The following SYNE2 variants were observed in gnomAD, a reference collection of about 807,000 sequenced individuals.
The protein encoded by SYNE2 is nesprin-2.
A neutral mutation model predicts 856.3 loss-of-function variants in SYNE2; 431 were observed. That is an observed-to-expected ratio of 0.50 (90% CI 0.47 to 0.55). The LOEUF (loss-of-function observed/expected upper bound fraction) is 0.55. Ranked by LOEUF, SYNE2 falls within the 20% of genes least tolerant of loss-of-function variation. SYNE2 has a pLI of 0.00. For missense variants in SYNE2, 8,129 were observed against 8,023.2 expected (o/e 1.01, Z -0.50); for synonymous variants, 2,923 against 2,872.3 (o/e 1.02, Z -0.56).
intron 43 of SYNE2, 123 bp from the exon 44 acceptor site, chr14:64,029,772 A>G (rs1355628108): frequency 8.6e-7 from 1 of 1,162,456 alleles, no homozygotes; most frequent in South Asian, 1.3e-5. Context: ...ACTCTAATTT[A>G]TAGCCGTATT....
chr14:64,102,093 G>T, intron 64 of SYNE2, 51 bp downstream of exon 64: 3 of 1,302,520 alleles, frequency 2.3e-6, no homozygotes, highest in South Asian at 2.4e-5. Context: ...GCCCAGGGGG[G>T]AGCAGGGATC....
At chr14:63,888,118 C>T (rs762836689) in intron 1 of SYNE2, among the ~76,000 whole-genome samples, 3 of 152,120 alleles carry the variant, frequency 2.0e-5, no homozygotes, top group Non-Finnish European at 2.9e-5. Context: ...TAGTGTCTAG[C>T]TCCACCCTTA....
intron 107 of SYNE2, chr14:64,215,969 A>G: frequency 7.3e-7 from 1 of 1,368,856 alleles, no homozygotes; most frequent in Non-Finnish European, 9.5e-7. Flanking sequence ...CTTGCCACTC[A>G]GTGTCCCTAC....
At chr14:64,093,012 A>G (rs1257057334) in intron 60 of SYNE2, among the ~76,000 whole-genome samples, 1 of 150,184 alleles carries the variant, frequency 6.7e-6, no homozygotes, top group Admixed American at 6.6e-5. Flanking sequence ...CTTGTCAGTA[A>G]CTTCTCAAAA....
At chr14:64,199,260 G>A (rs2098551835) in intron 99 of SYNE2, among the ~76,000 whole-genome samples, 1 of 152,190 alleles carries the variant, frequency 6.6e-6, no homozygotes, top group Non-Finnish European at 1.5e-5. Flanking sequence ...GTTAGTGTGT[G>A]TGGGATTATG....
chr14:63,833,255 A>G (rs746079732), intron 1 of SYNE2, among the ~76,000 whole-genome samples: 2 of 152,118 alleles, frequency 1.3e-5, no homozygotes, highest in Non-Finnish European at 2.9e-5. Context: ...ATCAAATTCT[A>G]TGTTACATAC....
rs751747400 is a variant in SYNE2 at position 64,027,714 on chromosome 14, G to T, written c.6635G>T (p.Cys2212Phe). 2.5e-6 allele frequency: 4 copies of T among 1,613,926 alleles called. No individual in the cohort carries two copies. Among genetic ancestry groups the T allele is most frequent in the Admixed American group, 1.7e-5 (1 of 60,004 alleles). Residue 2212 changes from cysteine (C) to phenylalanine (F), a missense_variant, in exon 43 of 116, where the codon TGC becomes TTC. Around this residue, in one of 3 missense-constraint regions of SYNE2, gnomAD observed 297 missense variants for 380.9 expected, o/e 0.78. Transcript: ENST00000555002. ...TCTCAGGGAAACTACCTCTTGGAGT[G>T]CACTAAAAATCCCAGCTTCAGTGAA... ...LKSQGNYLLE[C>F]TKNPSFSEEP...
chr14:63,855,468 G>A (rs1373296961), intron 1 of SYNE2, among the ~76,000 whole-genome samples: 2 of 152,094 alleles, frequency 1.3e-5, no homozygotes, highest in African/African-American at 4.8e-5. Context: ...CTACTCGAGT[G>A]TCTACAGCCA....
chr14:63,899,651 A>C (rs1000341875), intron 1 of SYNE2, among the ~76,000 whole-genome samples: 10 of 152,008 alleles, frequency 6.6e-5, no homozygotes, highest in African/African-American at 2.4e-4. Context: ...ACAGGCACAC[A>C]CCACCATGCC....
Position 64,224,516 on chromosome 14 carries a change from C to T in SYNE2, c.20438C>T (p.Pro6813Leu). Reference protein sequence around the residue: ...FDEVDSGDQPPATSVPAPRAK... With the variant: ...FDEVDSGDQPLATSVPAPRAK... ...GAGGTAGACTCGGGGGACCAGCCTC[C>T]TGCAACATCCGTGCCAGCTCCCCGA... is the stretch of plus-strand genomic sequence containing the variant. The change falls in exon 114 of 116, where the codon CCT (proline) becomes CTT (leucine). Residue 6813 changes from proline (P) to leucine (L), a missense_variant. Physicochemically the swap from Pro to Leu is moderately conservative, Grantham distance 98 (BLOSUM62 -3). Around this residue, in one of 3 missense-constraint regions of SYNE2, gnomAD observed 5,410 missense variants for 5,284.8 expected, o/e 1.02. Transcript: ENST00000555002. The T allele has an allele frequency of 6.2e-7, 1 of 1,614,130 alleles. No homozygotes were observed. Among genetic ancestry groups the T allele is most frequent in the Non-Finnish European group, 8.5e-7 (1 of 1,180,026 alleles).
intron 2 of SYNE2, among the ~76,000 whole-genome samples, chr14:63,909,986 G>T (rs370267010): frequency 3.0e-4 from 46 of 152,306 alleles, no homozygotes; most frequent in African/African-American, 1.0e-3. Context: ...TTCTTGTGGA[G>T]TTTGGCAATA....
intron 1 of SYNE2, among the ~76,000 whole-genome samples, chr14:63,771,045 T>C (rs1429340334): frequency 6.7e-6 from 1 of 148,734 alleles, no homozygotes; most frequent in African/African-American, 2.5e-5. Context: ...GGAAATAGAG[T>C]CACAGAAACC....
chr14:63,801,552 G>A (rs369314928), intron 1 of SYNE2, among the ~76,000 whole-genome samples: 22 of 152,172 alleles, frequency 1.4e-4, no homozygotes, highest in African/African-American at 4.8e-4. Context: ...GGTGGCGCAT[G>A]CCTGTAATCC....
In SYNE2 at chr14:64,053,526, A is replaced by C. The variant is rs777395706; in HGVS notation, c.9613A>C (p.Ser3205Arg). The C allele has an allele frequency of 3.1e-6, 5 of 1,614,274 alleles. No homozygotes were observed. Among genetic ancestry groups the C allele is most frequent in the Non-Finnish European group, 4.2e-6 (5 of 1,180,050 alleles). The change falls in exon 48 of 116, where the codon AGT becomes CGT. Residue 3205 changes from serine to arginine, a missense_variant. Transcript: ENST00000555002. Reference sequence around the variant, plus strand: ...GGAGCAAGTTTGGGCAGAAATGTGTAGTATTAAAGCTGTGACTGCTATTGA... The same window carrying C: ...GGAGCAAGTTTGGGCAGAAATGTGTCGTATTAAAGCTGTGACTGCTATTGA... ...FQEQVWAEMC[S>R]IKAVTAIEKQ...
chr14:63,880,667 T>TTTAA (rs2094838237), intron 1 of SYNE2, among the ~76,000 whole-genome samples: 1 of 150,580 alleles, frequency 6.6e-6, no homozygotes, highest in African/African-American at 2.4e-5. Flanking sequence ...TTCTATTGTC[T>TTTAA]TTAATTTTTT....
chr14:64,192,533 A>G (rs1371195497), intron 99 of SYNE2, among the ~76,000 whole-genome samples: 2 of 152,156 alleles, frequency 1.3e-5, no homozygotes, highest in Non-Finnish European at 2.9e-5. Context: ...AATTTTATTG[A>G]TCTTTTTGGA....
chr14:64,203,071 C>T, intron 100 of SYNE2, 108 bp downstream of exon 100: 1 of 1,429,388 alleles, frequency 7.0e-7, no homozygotes, highest in Non-Finnish European at 9.6e-7. Flanking sequence ...CATTCCATAA[C>T]ATTGGTTTGC....
At chr14:63,966,577 G>C (rs1019712825) in intron 10 of SYNE2, among the ~76,000 whole-genome samples, 1 of 144,250 alleles carries the variant, frequency 6.9e-6, no homozygotes, top group Non-Finnish European at 1.5e-5. Context: ...TTCCCCCCCC[G>C]AGACAGGATC....
At chr14:63,802,869 T>G (rs888623702) in intron 1 of SYNE2, among the ~76,000 whole-genome samples, 1 of 151,736 alleles carries the variant, frequency 6.6e-6, no homozygotes, top group Non-Finnish European at 1.5e-5. Flanking sequence ...GGGCTCGTGG[T>G]CTCCCTGGGC....
Sources: allele counts gnomAD v4.1 joint callset (sites outside exome capture counted in the v4.1 genomes callset), GRCh38; gene constraint gnomAD v4.1.1; regional missense constraint gnomAD v4.1.1; transcripts MANE v1.5; gene names NCBI Gene and HGNC (gene_info 2026-07-23, HGNC 2026-07-21).